Variants in NPHP4 observed in about 807,000 individuals in gnomAD.
NPHP4 encodes the protein nephrocystin 4.
In NPHP4, 151 loss-of-function variants were observed where a neutral mutation model predicts 155.8. The ratio of observed to expected loss-of-function variants is 0.97; its 90% CI spans 0.85 to 1.11. The LOEUF is 1.11. Ranked by LOEUF, NPHP4 falls within the 50% of genes least tolerant of loss-of-function variation. The pLI, the probability that NPHP4 is intolerant of heterozygous loss-of-function variation, is 0.00. For synonymous variants in NPHP4, 845 were observed against 816.8 expected (o/e 1.03, Z -0.59); for missense variants, 1,956 against 1,925.7 (o/e 1.02, Z -0.29).
intron 3 of NPHP4, among the ~76,000 whole-genome samples, chr1:5,971,274 C>T (rs945097209): frequency 1.3e-5 from 2 of 152,206 alleles, no homozygotes; most frequent in Non-Finnish European, 2.9e-5. Flanking sequence ...ACAACAGCAA[C>T]AGAGCCCCAG....
chr1:5,865,249 T>C lies in NPHP4; in HGVS notation c.3669A>G (p.Thr1223=). The C allele has an allele frequency of 1.9e-6, 3 of 1,579,808 alleles. No homozygotes were observed. In the South Asian group the frequency reaches 3.4e-5, roughly 18 times the overall value. ...IYSDRWLATP[T]QTWQVYLHSL... is the part of the protein sequence containing the mutation. ...AGTGGAGGTAGACCTGCCACGTCTG[T>C]GTGGGTGTCGCCAGCCAGCGATCCC... Residue 1223 remains threonine (T), a synonymous_variant, in exon 27 of 30, where the codon ACA becomes ACG. Transcript: ENST00000378156.
rs1221477412 is a variant in NPHP4, at chr1:5,874,950, A to C, written c.2968T>G (p.Phe990Val). 1.9e-6 allele frequency: 3 copies of C among 1,613,208 alleles called. No homozygotes were observed. In the East Asian group the frequency reaches 6.7e-5, roughly 36 times the overall value. ...TLHATLGVAE[F>V]FEFVLKNPHN... ...GGGTTCTTAAGCACAAACTCAAAGAACTCGGCGACCCCCAGCGTGGCGTGG... is the reference window on the plus strand; with the variant it reads ...GGGTTCTTAAGCACAAACTCAAAGACCTCGGCGACCCCCAGCGTGGCGTGG... The change falls in exon 21 of 30, where the codon TTC becomes GTC. Residue 990 changes from phenylalanine to valine, a missense_variant. Coordinates refer to ENST00000378156, the MANE Select transcript of NPHP4 (RefSeq NM_015102.5).
intron 9 of NPHP4, among the ~76,000 whole-genome samples, chr1:5,945,728 GT>G (rs1647054499): frequency 6.6e-6 from 1 of 152,134 alleles, no homozygotes; most frequent in East Asian, 1.9e-4. Flanking sequence ...CTTGTCAACC[GT>G]TTTTTGGTTT....
Position 5,986,276 on chromosome 1 carries a change from T to C in NPHP4, c.14A>G (p.His5Arg). MNDWHRIFTQNVLVP... is the reference protein window; with the variant it reads MNDWRRIFTQNVLVP... ...AAGCACGTTTTGGGTGAAGATCCTG[T>C]GCCAGTCGTTCATCCTGCCCGCCTG... The change falls in exon 2 of 30, where the codon CAC becomes CGC. Residue 5 changes from histidine (H) to arginine (R), a missense_variant. Coordinates refer to ENST00000378156, the MANE Select transcript of NPHP4 (RefSeq NM_015102.5). The C allele has an allele frequency of 6.2e-7, 1 of 1,613,764 alleles. No individual in the cohort carries two copies. The highest frequency in any genetic ancestry group is 8.5e-7 in the Non-Finnish European group (1 of 1,179,806).
chr1:5,942,010 AG>A (rs1156499977), intron 9 of NPHP4, among the ~76,000 whole-genome samples: 1 of 152,214 alleles, frequency 6.6e-6, no homozygotes, highest in African/African-American at 2.4e-5. Flanking sequence ...GTCTCCCCAC[AG>A]ATCACTTATT....
intron 5 of NPHP4, 62 bp from the exon 6 acceptor site, chr1:5,962,011 C>T (rs1336249387): frequency 1.7e-5 from 23 of 1,332,768 alleles, no homozygotes; most frequent in Non-Finnish European, 2.2e-5. Context: ...TCCAGTCAAA[C>T]CAGCCAATTA....
chr1:5,971,018 A>C (rs1225916847), intron 3 of NPHP4, among the ~76,000 whole-genome samples: 1 of 152,168 alleles, frequency 6.6e-6, no homozygotes, highest in Admixed American at 6.5e-5. Context: ...TCATTAACTC[A>C]CCTTTTCTAT....
chr1:5,942,557 C>A (rs1300781796), intron 9 of NPHP4, among the ~76,000 whole-genome samples: 24 of 76,062 alleles, frequency 3.2e-4, no homozygotes, highest in South Asian at 8.9e-4. Flanking sequence ...AAAAAGGAGA[C>A]TAAAATATTA....
At chr1:5,906,059 T>C (rs3747987) in intron 13 of NPHP4, among the ~76,000 whole-genome samples, 127,288 of 152,244 alleles carry the variant, frequency 0.84, 53,436 homozygotes, top group African/African-American at 0.93. Context: ...ATATTTCACG[T>C]GGCAATCCAA....
chr1:5,891,670 A>G (rs1207425802), intron 16 of NPHP4, among the ~76,000 whole-genome samples: 6 of 152,380 alleles, frequency 3.9e-5, no homozygotes, highest in African/African-American at 7.2e-5. Context: ...AATTCGAGGA[A>G]CAGCAATGGT....
intron 1 of NPHP4, among the ~76,000 whole-genome samples, chr1:5,991,156 CT>C (rs551524430): frequency 6.0e-4 from 91 of 152,124 alleles, no homozygotes; most frequent in African/African-American, 2.2e-3. Context: ...CCTTGGGGAG[CT>C]TTTGGGGAAG....
intron 3 of NPHP4, among the ~76,000 whole-genome samples, chr1:5,977,552 A>G (rs540605780): frequency 1.3e-5 from 2 of 151,976 alleles, no homozygotes; most frequent in African/African-American, 4.8e-5. Context: ...CGTCTCCGAA[A>G]CAGTCTGCAG....
intron 19 of NPHP4, among the ~76,000 whole-genome samples, chr1:5,878,711 C>G (rs1270254646): frequency 6.6e-6 from 1 of 152,224 alleles, no homozygotes; most frequent in Non-Finnish European, 1.5e-5. Flanking sequence ...CTCTGATTGT[C>G]TCAGCAAGGC....
At chr1:5,880,066 C>G in intron 19 of NPHP4, 48 bp downstream of exon 19, 1 of 1,608,060 alleles carries the variant, frequency 6.2e-7, no homozygotes, top group Non-Finnish European at 8.5e-7. Context: ...CACCTCTCAC[C>G]CACCACTCAC....
chr1:5,984,210 G>A (rs964600842), intron 2 of NPHP4, among the ~76,000 whole-genome samples: 25 of 152,138 alleles, frequency 1.6e-4, no homozygotes, highest in Non-Finnish European at 2.6e-4. Context: ...ATGAATGATC[G>A]ATAAGACATA....
At position 5,863,878 on chromosome 1, in the gene NPHP4, G is replaced by GC. The variant is rs779059295; in HGVS notation, c.4140+11dup. ...TCTTCCCCTAGGAGTCCCAGGCACA[G>GC]CCCCACCACACCTGGAAGGAGTCCT... On this transcript the variant is annotated intron_variant, in intron 29 of 29. Coordinates refer to ENST00000378156, the MANE Select transcript of NPHP4 (RefSeq NM_015102.5). 1.5e-5 allele frequency: 25 copies of GC among 1,613,574 alleles called. No homozygotes were observed. Among genetic ancestry groups the GC allele is most frequent in the Middle Eastern group, 1.7e-4 (1 of 5,934 alleles).
At chr1:5,983,217 T>C (rs1204063543) in intron 2 of NPHP4, among the ~76,000 whole-genome samples, 2 of 152,196 alleles carry the variant, frequency 1.3e-5, no homozygotes, top group African/African-American at 4.8e-5. Flanking sequence ...TGAATATAGT[T>C]CCCTTTAGTT....
intron 2 of NPHP4, among the ~76,000 whole-genome samples, chr1:5,982,950 G>A (rs1205285217): frequency 6.6e-6 from 1 of 152,186 alleles, no homozygotes; most frequent in African/African-American, 2.4e-5. Context: ...GTCTATCTTG[G>A]TGACTGTTCC....
chr1:5,967,394 A>G (rs1187859215), intron 4 of NPHP4, 31 bp from the exon 5 acceptor site: 1 of 1,566,140 alleles, frequency 6.4e-7, no homozygotes, highest in Admixed American at 1.8e-5. Context: ...AACAGTCGTC[A>G]GCCACGTGCG....
Sources: allele counts gnomAD v4.1 joint callset (sites outside exome capture counted in the v4.1 genomes callset), GRCh38; gene constraint gnomAD v4.1.1; transcripts MANE v1.5; gene names NCBI Gene and HGNC (gene_info 2026-07-23, HGNC 2026-07-21).